The following NAALADL2 variants were observed in gnomAD, a reference collection of about 807,000 sequenced individuals.
The protein encoded by NAALADL2 is N-acetylated alpha-linked acidic dipeptidase like 2.
NAALADL2 carries 76 observed loss-of-function variants against 87.2 expected under a neutral mutation model. The observed-to-expected ratio is 0.87, with a 90% CI of 0.72 to 1.05. The LOEUF (loss-of-function observed/expected upper bound fraction) is 1.05. NAALADL2 is among the 50% of genes least tolerant of loss of function. NAALADL2 has a pLI of 0.00. For synonymous variants in NAALADL2, 354 were observed against 331.0 expected, an observed-to-expected ratio of 1.07 and a Z score of -0.75; for missense variants, 1,089 against 945.8, an observed-to-expected ratio of 1.15 and a Z score of -1.99.
intron 4 of NAALADL2, among the ~76,000 whole-genome samples, chr3:175,312,310 A>G (rs1231041954): frequency 1.3e-5 from 2 of 152,216 alleles, no homozygotes; most frequent in Non-Finnish European, 2.9e-5. Context: ...AGAATGTACT[A>G]TGAGATGTCA....
intron 1 of NAALADL2, among the ~76,000 whole-genome samples, chr3:174,995,760 C>T (rs903446326): frequency 2.0e-5 from 3 of 150,538 alleles, no homozygotes; most frequent in African/African-American, 7.4e-5. Context: ...AAACCTTAAC[C>T]TTTGAATTGC....
At chr3:175,268,370 G>C (rs4894705) in intron 4 of NAALADL2, among the ~76,000 whole-genome samples, 2 of 152,094 alleles carry the variant, frequency 1.3e-5, no homozygotes, top group South Asian at 4.1e-4. Context: ...AGGGCACTTA[G>C]CGTCAGTAGA....
chr3:175,314,563 CTATATATATATATATATATA>C (rs57049565), intron 4 of NAALADL2, among the ~76,000 whole-genome samples: 39 of 69,614 alleles, frequency 5.6e-4, no homozygotes, highest in African/African-American at 1.8e-3. Context: ...CACATTCTAA[CTATATATATATATATATATA>C]TATATATATA....
intron 2 of NAALADL2, among the ~76,000 whole-genome samples, chr3:175,190,541 TAATA>T (rs886347254): frequency 3.9e-5 from 6 of 152,096 alleles, no homozygotes; most frequent in Non-Finnish European, 7.4e-5. Context: ...AGTCAAGAGA[TAATA>T]AATGTTGGCA....
intron 1 of NAALADL2, among the ~76,000 whole-genome samples, chr3:174,981,465 A>G (rs9836613): frequency 0.11 from 16,391 of 152,156 alleles, 2,157 homozygotes; most frequent in African/African-American, 0.31. Flanking sequence ...TTCTGGTAGC[A>G]TACATGGGAA....
At chr3:174,753,099 GCTTTCTTT>G (rs929988130) in intron 3 of NAALADL2, among the ~76,000 whole-genome samples, 1 of 151,588 alleles carries the variant, frequency 6.6e-6, no homozygotes, top group African/African-American at 2.4e-5. Context: ...TCCCCTTTTT[GCTTTCTTT>G]CTTTCTTTTT....
intron 1 of NAALADL2, among the ~76,000 whole-genome samples, chr3:174,488,413 A>G (rs1308379390): frequency 6.6e-6 from 1 of 152,072 alleles, no homozygotes; most frequent in Non-Finnish European, 1.5e-5. Context: ...GAAATAATAT[A>G]TATAAAGCAA....
At chr3:175,786,732 G>T (rs538912967) in intron 13 of NAALADL2, among the ~76,000 whole-genome samples, 1 of 152,122 alleles carries the variant, frequency 6.6e-6, no homozygotes, top group Non-Finnish European at 1.5e-5. Flanking sequence ...GCTTTGTTCC[G>T]TTGCTGGTGA....
chr3:174,835,750 A>G (rs1349013422), intron 3 of NAALADL2, among the ~76,000 whole-genome samples: 1 of 152,208 alleles, frequency 6.6e-6, no homozygotes, highest in Admixed American at 6.5e-5. Flanking sequence ...GCATGTGAAA[A>G]GATACTCAAC....
intron 1 of NAALADL2, among the ~76,000 whole-genome samples, chr3:174,944,507 C>T (rs1242617700): frequency 2.6e-5 from 4 of 152,172 alleles, no homozygotes; most frequent in African/African-American, 9.7e-5. Flanking sequence ...CCAGTCTTAT[C>T]CTGTGAGGTG....
At chr3:175,792,448 A>G (rs1020517840) in intron 13 of NAALADL2, among the ~76,000 whole-genome samples, 2 of 152,190 alleles carry the variant, frequency 1.3e-5, no homozygotes, top group African/African-American at 4.8e-5. Flanking sequence ...AAATTAAGCA[A>G]ACATTACAAT....
chr3:175,632,903 T>C (rs988378247), intron 11 of NAALADL2, among the ~76,000 whole-genome samples: 4 of 152,054 alleles, frequency 2.6e-5, no homozygotes, highest in Non-Finnish European at 5.9e-5. Context: ...TAAATAAAAG[T>C]TCAATTTCTC....
intron 5 of NAALADL2, among the ~76,000 whole-genome samples, chr3:175,339,184 A>C (rs1762336913): frequency 6.6e-6 from 1 of 152,232 alleles, no homozygotes; most frequent in African/African-American, 2.4e-5. Flanking sequence ...AGTGACAGTC[A>C]CATCAAACAT....
At chr3:175,610,882 T>C (rs1359520367) in intron 10 of NAALADL2, among the ~76,000 whole-genome samples, 8 of 151,592 alleles carry the variant, frequency 5.3e-5, no homozygotes, top group Non-Finnish European at 1.2e-4. Context: ...TAATATTGAA[T>C]ATTAATATAT....
chr3:174,632,262 A>G (rs552245529), intron 2 of NAALADL2, among the ~76,000 whole-genome samples: 1 of 152,228 alleles, frequency 6.6e-6, no homozygotes, highest in East Asian at 1.9e-4. Context: ...CGTTCAATAA[A>G]CCAACATTTT....
rs142029651 is a variant in NAALADL2, at chr3:175,594,781, G to C, written c.1800+18594G>C. ...TGATGATGAGCATTTTTTCATGTTT[G>C]TTGGCCACTTCTATGTATTCTTTTG... On this transcript the variant is annotated intron_variant, in intron 10 of 13. Coordinates refer to ENST00000454872, the MANE Select transcript of NAALADL2 (RefSeq NM_207015.3). 5.9e-5 allele frequency among the ~76,000 whole-genome samples: 9 copies of C among 152,006 alleles called. No homozygotes were observed. The East Asian group carries it at 1.2e-3, about 20-fold the overall frequency.
At chr3:175,228,763 G>C (rs1669709775) in intron 2 of NAALADL2, among the ~76,000 whole-genome samples, 1 of 151,916 alleles carries the variant, frequency 6.6e-6, no homozygotes, top group Admixed American at 6.6e-5. Context: ...CTTCTAGAGA[G>C]TAGATCGAGA....
chr3:175,633,577 GT>G (rs2149735025), intron 11 of NAALADL2, among the ~76,000 whole-genome samples: 1 of 151,938 alleles, frequency 6.6e-6, no homozygotes, highest in South Asian at 2.1e-4. Flanking sequence ...ATGCTCTATA[GT>G]ATATATAAAA....
At chr3:174,789,023 G>A (rs1468252942) in intron 3 of NAALADL2, among the ~76,000 whole-genome samples, 2 of 152,196 alleles carry the variant, frequency 1.3e-5, no homozygotes, top group Non-Finnish European at 2.9e-5. Flanking sequence ...CTAGGTCTTC[G>A]ATAGAACGAT....
Sources: gnomAD v4.1 joint callset for allele counts (sites outside exome capture counted in the v4.1 genomes callset) on GRCh38, gnomAD v4.1.1 for gene constraint, MANE v1.5 for transcripts, NCBI Gene and HGNC (gene_info 2026-07-23, HGNC 2026-07-21) for gene names.